TSPEAR: variants seen among roughly 807,000 people sequenced by gnomAD.
TSPEAR encodes the protein thrombospondin type laminin G domain and EAR repeats, also known as thrombospondin-type laminin G domain and EAR repeat-containing protein.
TSPEAR carries 69 observed loss-of-function variants against 71.6 expected under a neutral mutation model. The ratio of observed to expected loss-of-function variants is 0.96; its 90% CI spans 0.79 to 1.18. The LOEUF is 1.18. Among genes scored for constraint, TSPEAR ranks in the 50% most tolerant of loss-of-function variants. The pLI is 0.00. For missense variants in TSPEAR, 971 were observed against 894.9 expected (o/e 1.09, Z -1.09); for synonymous variants, 402 against 387.2 (o/e 1.04, Z -0.45).
intron 1 of TSPEAR, among the ~76,000 whole-genome samples, chr21:44,589,474 A>C (rs895039558): frequency 2.0e-5 from 3 of 152,300 alleles, no homozygotes; most frequent in African/African-American, 4.8e-5. Context: ...CTGTGTGTGG[A>C]CATTTGTTTC....
At chr21:44,641,937 G>A (rs1192551202) in intron 1 of TSPEAR, among the ~76,000 whole-genome samples, 2 of 151,964 alleles carry the variant, frequency 1.3e-5, no homozygotes, top group Non-Finnish European at 2.9e-5. Flanking sequence ...CCAACAAGAA[G>A]AAACACGACC....
intron 9 of TSPEAR, among the ~76,000 whole-genome samples, chr21:44,514,379 C>T (rs1459504559): frequency 8.5e-5 from 13 of 152,096 alleles, no homozygotes; most frequent in African/African-American, 2.9e-4. Flanking sequence ...CACACGTGTG[C>T]ATGAGTGTGC....
At chr21:44,677,832 A>G in intron 1 of TSPEAR, 1 of 1,296,494 alleles carries the variant, frequency 7.7e-7, no homozygotes. Context: ...CACCTCGAAG[A>G]GTTTGTCTGA....
intron 1 of TSPEAR, among the ~76,000 whole-genome samples, chr21:44,599,903 G>C (rs1980663939): frequency 6.6e-6 from 1 of 152,174 alleles, no homozygotes; most frequent in African/African-American, 2.4e-5. Flanking sequence ...TAGACTTACA[G>C]GTTTGCAGTG....
rs782523698 is a variant in TSPEAR at position 44,697,517 on chromosome 21, G to A, written c.82+13916C>T. The A allele has an allele frequency of 6.7e-5, 108 of 1,613,692 alleles. No homozygotes were observed. Among genetic ancestry groups the A allele is most frequent in the African/African-American group, 1.1e-4 (8 of 74,798 alleles). On this transcript the variant is annotated intron_variant, in intron 1 of 11. Transcript: ENST00000323084. ...CTCCCCCTGCCAGCAGGCCTGCTGCGTGCCCGTCTGCTGCAAGACTGTCTG... is the reference window on the plus strand; with the variant it reads ...CTCCCCCTGCCAGCAGGCCTGCTGCATGCCCGTCTGCTGCAAGACTGTCTG...
At chr21:44,575,578 C>T (rs1439148087) in intron 1 of TSPEAR, among the ~76,000 whole-genome samples, 2 of 152,234 alleles carry the variant, frequency 1.3e-5, no homozygotes, top group African/African-American at 4.8e-5. Context: ...TGTCCCTAAC[C>T]CTCCTGTGTT....
At chr21:44,680,184 C>G (rs1438466860) in intron 1 of TSPEAR, among the ~76,000 whole-genome samples, 3 of 151,982 alleles carry the variant, frequency 2.0e-5, no homozygotes, top group Admixed American at 6.6e-5. Context: ...TCAAACAACT[C>G]AACAACAACA....
Position 44,612,104 on chromosome 21 carries a change from G to A in TSPEAR, c.83-44099C>T, listed in dbSNP as rs1981716536. 2.5e-6 allele frequency: 4 copies of A among 1,612,914 alleles called. No individual in the cohort carries two copies. The East Asian group carries it at 8.9e-5, about 36-fold the overall frequency. Reference sequence around the variant, plus strand: ...ACCACCCAGTCCAGCACCCACCATGGCTGACGCCTGCTGCACCAGGACGTA... The same window carrying A: ...ACCACCCAGTCCAGCACCCACCATGACTGACGCCTGCTGCACCAGGACGTA... On this transcript the variant is annotated intron_variant, in intron 1 of 11. Transcript: ENST00000323084. This position sits in a 1 kb window ranked among gnomAD's most constrained non-coding sequence, Gnocchi z 4.1.
At chr21:44,696,484 G>A (rs1364024940) in intron 1 of TSPEAR, among the ~76,000 whole-genome samples, 1 of 152,128 alleles carries the variant, frequency 6.6e-6, no homozygotes, top group East Asian at 1.9e-4. Context: ...ACTTTACAAG[G>A]TTGATGTATG....
chr21:44,649,874 C>A (rs748452481), intron 1 of TSPEAR, among the ~76,000 whole-genome samples: 10 of 152,206 alleles, frequency 6.6e-5, no homozygotes, highest in Non-Finnish European at 1.2e-4. Flanking sequence ...GGAACCCAGG[C>A]TGCTCTCATG....
Position 44,612,979 on chromosome 21 carries a change from G to A in TSPEAR, c.83-44974C>T. ...TGGGTTAAGTGGCTGCCCCTACCTG[G>A]GATGGGGTCTCCATGTCTCCCCTGT... On this transcript the variant is annotated intron_variant, in intron 1 of 11. Coordinates refer to ENST00000323084, the MANE Select transcript of TSPEAR (RefSeq NM_144991.3). The surrounding 1 kb of genome is among the most constrained non-coding windows in gnomAD (Gnocchi z 4.1). 2.0e-6 allele frequency: 3 copies of A among 1,526,506 alleles called. No homozygotes were observed. Among genetic ancestry groups the A allele is most frequent in the Admixed American group, 1.8e-5 (1 of 56,460 alleles). 94.6% of individuals were successfully genotyped at this position (1,526,506 alleles called of 1,614,324 possible). A position where few individuals can be genotyped will look rare whatever the true frequency, so the allele number is the denominator to read the frequency against.
chr21:44,698,092 T>C, intron 1 of TSPEAR: 4 of 962,258 alleles, frequency 4.2e-6, no homozygotes, highest in Non-Finnish European at 6.1e-6. Context: ...TCTCTTCCCC[T>C]AAGCCCTGGG....
chr21:44,531,847 G>A (rs1555915810), intron 3 of TSPEAR, among the ~76,000 whole-genome samples: 1 of 152,252 alleles, frequency 6.6e-6, no homozygotes, highest in Non-Finnish European at 1.5e-5. Flanking sequence ...GAACTCCGGA[G>A]ATGGAGCAAG....
chr21:44,675,394 T>G (rs1319503357), intron 1 of TSPEAR, among the ~76,000 whole-genome samples: 17 of 152,088 alleles, frequency 1.1e-4, no homozygotes, highest in Admixed American at 1.1e-3. Flanking sequence ...ATAAAAACTC[T>G]CAACAAACCA....
At chr21:44,511,257 C>T (rs1367960677) in intron 9 of TSPEAR, among the ~76,000 whole-genome samples, 1 of 152,194 alleles carries the variant, frequency 6.6e-6, no homozygotes, top group Non-Finnish European at 1.5e-5. Context: ...TACCTGCACA[C>T]CTGCATGTAT....
chr21:44,637,637 T>C lies in TSPEAR; in HGVS notation c.83-69632A>G, dbSNP rs781836087. 3.2e-5 allele frequency: 52 copies of C among 1,613,756 alleles called. No individual in the cohort carries two copies. The South Asian group carries it at 5.2e-4, about 16-fold the overall frequency. On this transcript the variant is annotated intron_variant, in intron 1 of 11. Coordinates refer to ENST00000323084, the MANE Select transcript of TSPEAR (RefSeq NM_144991.3). ...CTACACCAGCTCCTGCACAACCCCA[T>C]GCTACCAGCAGTCTAGCTGCCAGCC... is the stretch of plus-strand genomic sequence containing the variant.
chr21:44,508,558 C>G (rs1426350175), intron 10 of TSPEAR: 1 of 1,126,922 alleles, frequency 8.9e-7, no homozygotes, highest in Non-Finnish European at 1.1e-6. Context: ...CCCCAGAGGA[C>G]GCCCCACACT....
Position 44,513,641 on chromosome 21 carries a change from C to G in TSPEAR, c.1567-4255G>C, listed in dbSNP as rs1229590880. 4.6e-5 allele frequency among the ~76,000 whole-genome samples: 7 copies of G among 152,204 alleles called. No homozygotes were observed. In the South Asian group the frequency reaches 6.2e-4, roughly 14 times the overall value. ...GGCAGCCAGGAGCACCTGGAGCCCC[C>G]AACAGCTCCCTCGAGGGCGGGTGGG... On this transcript the variant is annotated intron_variant, in intron 9 of 11. Transcript: ENST00000323084.
chr21:44,705,740 A>T (rs1263049831), intron 1 of TSPEAR, among the ~76,000 whole-genome samples: 4 of 152,228 alleles, frequency 2.6e-5, no homozygotes, highest in African/African-American at 9.6e-5. Context: ...TATCAATGAC[A>T]ATGGTGCCCG....
Sources: gnomAD v4.1 joint callset for allele counts (sites outside exome capture counted in the v4.1 genomes callset) on GRCh38, gnomAD v4.1.1 for gene constraint, Gnocchi (gnomAD v3.1) non-coding constraint, MANE v1.5 for transcripts, NCBI Gene and HGNC (gene_info 2026-07-23, HGNC 2026-07-21) for gene names.